Variants in SLC39A11 observed in about 807,000 individuals in gnomAD.
SLC39A11 encodes solute carrier family 39 member 11.
A neutral mutation model predicts 36.1 loss-of-function variants in SLC39A11; 33 were observed. The observed-to-expected ratio is 0.91, with a 90% CI of 0.69 to 1.22. The LOEUF is 1.22. SLC39A11 is among the 50% of genes most tolerant of loss of function. The pLI, the probability that SLC39A11 is intolerant of heterozygous loss-of-function variation, is 0.00. For synonymous variants in SLC39A11, 166 were observed against 170.3 expected (o/e 0.97, Z 0.20); for missense variants, 432 against 430.3 (o/e 1.00, Z -0.03).
At chr17:72,663,047 A>G (rs535835291) in intron 7 of SLC39A11, among the ~76,000 whole-genome samples, 1 of 152,372 alleles carries the variant, frequency 6.6e-6, no homozygotes, top group South Asian at 2.1e-4. Flanking sequence ...GAGCCACGTC[A>G]CAGACACAAT....
At chr17:72,928,192 G>A (rs2084169477) in intron 5 of SLC39A11, among the ~76,000 whole-genome samples, 1 of 152,208 alleles carries the variant, frequency 6.6e-6, no homozygotes, top group Admixed American at 6.5e-5. Flanking sequence ...CTGTGTAATT[G>A]TTGGTTTTAC....
intron 3 of SLC39A11, among the ~76,000 whole-genome samples, chr17:73,078,026 C>G (rs576909425): frequency 3.3e-5 from 5 of 152,190 alleles, no homozygotes; most frequent in Admixed American, 6.5e-5. Context: ...ATCACAAGGT[C>G]AGGAGATCGA....
At chr17:73,004,120 A>AGAG (rs1568104735) in intron 4 of SLC39A11, among the ~76,000 whole-genome samples, 6 of 145,626 alleles carry the variant, frequency 4.1e-5, no homozygotes, top group Admixed American at 1.4e-4. Flanking sequence ...GAGAGAGAGA[A>AGAG]AGAAAGAAAG....
chr17:72,996,677 C>T (rs2089527531), intron 4 of SLC39A11, among the ~76,000 whole-genome samples: 1 of 152,184 alleles, frequency 6.6e-6, no homozygotes, highest in Non-Finnish European at 1.5e-5. Context: ...ATGGCCCACC[C>T]TACTCTAGTA....
At chr17:72,844,552 C>T (rs1461627625) in intron 6 of SLC39A11, among the ~76,000 whole-genome samples, 1 of 152,072 alleles carries the variant, frequency 6.6e-6, no homozygotes, top group Non-Finnish European at 1.5e-5. Flanking sequence ...GCCTGTAGTC[C>T]CAACCACTTG....
intron 5 of SLC39A11, among the ~76,000 whole-genome samples, chr17:72,887,175 C>T (rs1050167818): frequency 2.0e-5 from 3 of 152,036 alleles, no homozygotes; most frequent in Non-Finnish European, 2.9e-5. Context: ...CAGGATAGCA[C>T]GAATCACACA....
At chr17:72,727,250 T>C (rs1261455297) in intron 7 of SLC39A11, among the ~76,000 whole-genome samples, 1 of 152,192 alleles carries the variant, frequency 6.6e-6, no homozygotes, top group African/African-American at 2.4e-5. Flanking sequence ...GAAGTGACGA[T>C]ACAGCAGAAA....
At chr17:72,881,972 G>A (rs372258996) in intron 5 of SLC39A11, among the ~76,000 whole-genome samples, 23 of 152,316 alleles carry the variant, frequency 1.5e-4, no homozygotes, top group African/African-American at 5.1e-4. Flanking sequence ...ACATCTGCTA[G>A]AGGTGGTTGT....
chr17:72,837,093 C>T (rs969515548), intron 6 of SLC39A11, among the ~76,000 whole-genome samples: 9 of 152,072 alleles, frequency 5.9e-5, no homozygotes, highest in African/African-American at 1.2e-4. Context: ...CTTTGCAGCA[C>T]GGGGAGACTG....
intron 5 of SLC39A11, among the ~76,000 whole-genome samples, chr17:72,895,792 G>C (rs2081998863): frequency 6.6e-6 from 1 of 151,914 alleles, no homozygotes; most frequent in Non-Finnish European, 1.5e-5. Context: ...ATTACTTTCA[G>C]CAAAACTCTA....
chr17:72,941,176 G>A (rs2085077604), intron 5 of SLC39A11, among the ~76,000 whole-genome samples: 1 of 152,200 alleles, frequency 6.6e-6, no homozygotes, highest in Non-Finnish European at 1.5e-5. Flanking sequence ...CGGGGGCTGA[G>A]GTGAGAGGAT....
In SLC39A11 at chr17:73,016,102, G is replaced by A. The variant is rs530366824; in HGVS notation, c.306+15454C>T. Among the ~76,000 whole-genome samples the A allele has an allele frequency of 2.6e-5, 4 of 152,038 alleles. No homozygotes were observed. In the East Asian group the frequency reaches 5.9e-4, roughly 22 times the overall value. On this transcript the variant is annotated intron_variant, in intron 4 of 9. Transcript: ENST00000255559. ...TTACTATCTGTATCATGGGTTAATAGTCACTATTCTGCCTATATGCTTTTC... is the reference window on the plus strand; with the variant it reads ...TTACTATCTGTATCATGGGTTAATAATCACTATTCTGCCTATATGCTTTTC...
chr17:72,885,337 T>A (rs2146622764), intron 5 of SLC39A11, among the ~76,000 whole-genome samples: 1 of 152,178 alleles, frequency 6.6e-6, no homozygotes, highest in African/African-American at 2.4e-5. Context: ...CTGAGTCTAT[T>A]CCAAAGCGAG....
chr17:72,746,447 C>T (rs970742892), intron 6 of SLC39A11, among the ~76,000 whole-genome samples: 1 of 105,144 alleles, frequency 9.5e-6, no homozygotes, highest in African/African-American at 4.0e-5. Context: ...AAGACCCCAT[C>T]TCTACAAAAA....
intron 4 of SLC39A11, among the ~76,000 whole-genome samples, chr17:72,948,792 T>C (rs1054191224): frequency 6.6e-6 from 1 of 152,240 alleles, no homozygotes; most frequent in Admixed American, 6.5e-5. Flanking sequence ...CTGCCAACTC[T>C]GTGTATATTT....
rs1227222380 is a variant in SLC39A11, at chr17:72,647,552, T to C, written c.*32A>G. 2 of 1,598,688 alleles carry C rather than the reference T, an allele frequency of 1.3e-6. No homozygotes were observed. Among genetic ancestry groups the C allele is most frequent in the Admixed American group, 1.7e-5 (1 of 59,160 alleles). On this transcript the variant is annotated 3_prime_UTR_variant, in exon 10 of 10. Coordinates refer to ENST00000255559, the MANE Select transcript of SLC39A11 (RefSeq NM_139177.4). ...AGCCAACCACTGCTGTTTCTTCGTA[T>C]GGCCTTTCCCGGGGTCCGAAGCGTC...
At chr17:72,805,995 A>C in intron 6 of SLC39A11, among the ~76,000 whole-genome samples, 1 of 151,868 alleles carries the variant, frequency 6.6e-6, no homozygotes, top group East Asian at 1.9e-4. Flanking sequence ...CATGCTATCC[A>C]CCTGCCTTGG....
chr17:73,054,387 ACT>A (rs2059604565), intron 3 of SLC39A11, among the ~76,000 whole-genome samples: 1 of 151,256 alleles, frequency 6.6e-6, no homozygotes, highest in South Asian at 2.1e-4. Context: ...AAAAAAAAAA[ACT>A]CTAATGCACA....
intron 4 of SLC39A11, among the ~76,000 whole-genome samples, chr17:72,969,430 C>T (rs918213009): frequency 3.9e-5 from 6 of 152,038 alleles, no homozygotes; most frequent in African/African-American, 7.2e-5. Flanking sequence ...CTAAAACAAG[C>T]CCCTGGGGAC....
Sources: gnomAD v4.1 joint callset for allele counts (sites outside exome capture counted in the v4.1 genomes callset) on GRCh38, gnomAD v4.1.1 for gene constraint, MANE v1.5 for transcripts, NCBI Gene and HGNC (gene_info 2026-07-23, HGNC 2026-07-21) for gene names.